CCDC88A: variants seen among roughly 807,000 people sequenced by gnomAD.
CCDC88A encodes the protein girdin.
A neutral mutation model predicts 234.3 loss-of-function variants in CCDC88A; 54 were observed. The observed-to-expected ratio is 0.23, with a 90% CI of 0.19 to 0.29. The LOEUF (loss-of-function observed/expected upper bound fraction) is 0.29, where lower values mean the gene tolerates loss of function less well. Ranked by LOEUF, CCDC88A falls within the 10% of genes least tolerant of loss-of-function variation. The probability of loss-of-function intolerance (pLI) is 1.00; values close to 1 mark genes in which losing one functional copy is unlikely to be tolerated. For synonymous variants in CCDC88A, 753 were observed against 737.8 expected, an observed-to-expected ratio of 1.02 and a Z score of -0.33; for missense variants, 1,832 against 2,123.4, an observed-to-expected ratio of 0.86 and a Z score of 2.70.
intron 29 of CCDC88A, 165 bp from the exon 30 acceptor site, chr2:55,296,688 A>G (rs1345202494): frequency 1.5e-6 from 1 of 672,822 alleles, no homozygotes; most frequent in African/African-American, 1.8e-5. Flanking sequence ...TTATCAGTCT[A>G]ACAATTGTCT....
intron 2 of CCDC88A, among the ~76,000 whole-genome samples, chr2:55,392,138 A>G (rs1449424388): frequency 6.6e-6 from 1 of 152,158 alleles, no homozygotes; most frequent in East Asian, 1.9e-4. Flanking sequence ...AATGCATCCT[A>G]TTAATATATG....
intron 18 of CCDC88A, among the ~76,000 whole-genome samples, chr2:55,320,057 C>G (rs1019490335): frequency 6.6e-6 from 1 of 152,026 alleles, no homozygotes; most frequent in Non-Finnish European, 1.5e-5. Flanking sequence ...AAAATTGAAG[C>G]TGAGGAAACA....
At chr2:55,403,106 A>G (rs184580577) in intron 2 of CCDC88A, among the ~76,000 whole-genome samples, 7 of 152,286 alleles carry the variant, frequency 4.6e-5, no homozygotes, top group Admixed American at 3.3e-4. Flanking sequence ...TATAAATCAA[A>G]TTTCATCATT....
At chr2:55,361,117 T>C (rs138388167) in intron 7 of CCDC88A, among the ~76,000 whole-genome samples, 35 of 152,052 alleles carry the variant, frequency 2.3e-4, no homozygotes, top group Admixed American at 2.2e-3. Context: ...TAAAATATAA[T>C]AAAATAAAAC....
chr2:55,369,889 C>T (rs916953587), intron 5 of CCDC88A, among the ~76,000 whole-genome samples: 9 of 152,304 alleles, frequency 5.9e-5, no homozygotes, highest in African/African-American at 1.7e-4. Flanking sequence ...CAAACTCGTA[C>T]TGTTTACTCT....
intron 2 of CCDC88A, chr2:55,403,258 G>C (rs1679015812): frequency 6.6e-6 from 1 of 152,180 alleles, no homozygotes; most frequent in South Asian, 2.1e-4. Context: ...CCAAAAAACA[G>C]AGACTACTTC....
intron 27 of CCDC88A, chr2:55,301,531 G>C (rs1680900552): frequency 2.0e-6 from 1 of 492,650 alleles, no homozygotes; most frequent in South Asian, 3.0e-5. Context: ...AGCAAAACAA[G>C]AGCCTGGGTT....
chr2:55,297,364 TAATATATATTATATATA>T (rs1347367878), intron 29 of CCDC88A, among the ~76,000 whole-genome samples: 1 of 100,388 alleles, frequency 1.0e-5, no homozygotes, highest in African/African-American at 5.4e-5. Context: ...TAAATATATA[TAATATATATTATATATA>T]AATATATATT....
chr2:55,379,988 T>A (rs1674317664), intron 3 of CCDC88A, among the ~76,000 whole-genome samples: 1 of 137,868 alleles, frequency 7.3e-6, no homozygotes. Context: ...CTTAGGGAAG[T>A]CAAGGCGGGT....
intron 7 of CCDC88A, 79 bp from the exon 8 acceptor site, chr2:55,355,830 A>C: frequency 9.4e-7 from 1 of 1,066,268 alleles, no homozygotes; most frequent in Non-Finnish European, 1.4e-6. Context: ...ACTAGGTCTA[A>C]GAATTGTACT....
chr2:55,306,447 G>A (rs923871634), intron 25 of CCDC88A, among the ~76,000 whole-genome samples: 1 of 151,662 alleles, frequency 6.6e-6, no homozygotes, highest in African/African-American at 2.4e-5. Flanking sequence ...ACACACACAC[G>A]TACATATACA....
At chr2:55,414,762 A>C (rs1274796028) in intron 2 of CCDC88A, among the ~76,000 whole-genome samples, 2 of 152,124 alleles carry the variant, frequency 1.3e-5, no homozygotes, top group East Asian at 3.9e-4. Context: ...TTAGATGAAA[A>C]AACTTATATA....
intron 8 of CCDC88A, among the ~76,000 whole-genome samples, chr2:55,354,469 ACT>A (rs1670301084): frequency 6.6e-6 from 1 of 152,094 alleles, no homozygotes; most frequent in African/African-American, 2.4e-5. Context: ...TTTAAACTTA[ACT>A]CTTTTATAAT....
chr2:55,410,898 A>G (rs964972552), intron 2 of CCDC88A, among the ~76,000 whole-genome samples: 2 of 152,088 alleles, frequency 1.3e-5, no homozygotes, highest in Non-Finnish European at 2.9e-5. Context: ...GTCTCAAAAA[A>G]AAAAAAAAAT....
At chr2:55,382,091 T>G (rs979260739) in intron 3 of CCDC88A, among the ~76,000 whole-genome samples, 6 of 152,190 alleles carry the variant, frequency 3.9e-5, no homozygotes, top group Admixed American at 2.6e-4. Flanking sequence ...ACCTGACCAG[T>G]GTCAAAAATA....
At chr2:55,347,667 A>G (rs1263956185) in intron 9 of CCDC88A, among the ~76,000 whole-genome samples, 1 of 129,030 alleles carries the variant, frequency 7.8e-6, no homozygotes, top group Admixed American at 8.9e-5. Flanking sequence ...GGAGTGCAGC[A>G]GTGGCACAAT....
chr2:55,312,151 G>A (rs1682426490), intron 23 of CCDC88A, among the ~76,000 whole-genome samples: 1 of 151,984 alleles, frequency 6.6e-6, no homozygotes, highest in Non-Finnish European at 1.5e-5. Flanking sequence ...GCCCCTATAT[G>A]TGCTATATTT....
intron 3 of CCDC88A, among the ~76,000 whole-genome samples, chr2:55,378,738 CTTTTTTTTTTTTT>C (rs79242911): frequency 0.87 from 124,973 of 143,982 alleles, 54,024 homozygotes; most frequent in Admixed American, 0.93. Flanking sequence ...TACACATATA[CTTTTTTTTTTTTT>C]TTTTTTTTTT....
chr2:55,310,852 G>A (rs376065975), intron 23 of CCDC88A, among the ~76,000 whole-genome samples: 19 of 152,272 alleles, frequency 1.2e-4, no homozygotes, highest in African/African-American at 3.4e-4. Context: ...TTCCCAGTTC[G>A]TTTTTCCTTT....
Sources: allele counts gnomAD v4.1 joint callset (sites outside exome capture counted in the v4.1 genomes callset), GRCh38; gene constraint gnomAD v4.1.1; transcripts MANE v1.5; gene names NCBI Gene and HGNC (gene_info 2026-07-23, HGNC 2026-07-21).